OBSL1: variants seen among roughly 807,000 people sequenced by gnomAD.
The protein encoded by OBSL1 is obscurin-like protein 1.
In OBSL1, 160 loss-of-function variants were observed where a neutral mutation model predicts 172.0. The ratio of observed to expected loss-of-function variants is 0.93; its 90% CI spans 0.82 to 1.06. The LOEUF is 1.06. Among genes scored for constraint, OBSL1 ranks in the 50% least tolerant of loss-of-function variants. OBSL1 has a pLI of 0.00. For synonymous variants in OBSL1, 1,200 were observed against 1,196.3 expected (o/e 1.00, Z -0.06); for missense variants, 2,681 against 2,715.4 (o/e 0.99, Z 0.28).
downstream of OBSL1, chr2:219,549,600 T>C: frequency 6.7e-7 from 1 of 1,489,748 alleles, no homozygotes; most frequent in East Asian, 2.3e-5. Context: ...CTCAGGGCTG[T>C]GGACTCTGGG....
intron 15 of OBSL1, among the ~76,000 whole-genome samples, chr2:219,553,889 G>A (rs1383017638): frequency 5.9e-5 from 9 of 152,004 alleles, no homozygotes; most frequent in Admixed American, 2.6e-4. Flanking sequence ...GGGCCAATGG[G>A]TTAGGAGTGG....
At chr2:219,562,017 C>A in intron 8 of OBSL1, 1 of 717,484 alleles carries the variant, frequency 1.4e-6, no homozygotes, top group South Asian at 1.5e-5. Context: ...CTCTGCAGAC[C>A]AAACAAAGCA....
intron 1 of OBSL1, among the ~76,000 whole-genome samples, chr2:219,569,633 C>T (rs770108314): frequency 2.0e-5 from 3 of 152,212 alleles, no homozygotes; most frequent in Non-Finnish European, 4.4e-5. Context: ...TTTGTCCTCC[C>T]TCAAGTCTAG....
chr2:219,568,324 T>A lies in OBSL1; in HGVS notation c.1013A>T (p.Glu338Val), dbSNP rs1308873142. 1 of 1,600,468 alleles carries A rather than the reference T, an allele frequency of 6.2e-7. No homozygotes were observed. ...TLSAVQLHVK[E>V]PRLRFTRPLQ... ...GGGCCGTGTGAACCGGAGGCGGGGCTCTGTGGAGAGGGGAGAGAGAGACAA... is the reference window on the plus strand; with the variant it reads ...GGGCCGTGTGAACCGGAGGCGGGGCACTGTGGAGAGGGGAGAGAGAGACAA... The change falls in exon 2 of 21, where the codon GAG becomes GTG. Residue 338 changes from glutamate (E) to valine (V), a missense_variant and splice_region_variant. By Grantham distance (121) the Glu-to-Val change is moderately radical. Transcript: ENST00000404537. The surrounding 1 kb of genome is among the most constrained non-coding windows in gnomAD (Gnocchi z 4.1).
chr2:219,562,061 C>T (rs1008072881), intron 8 of OBSL1: 15 of 708,950 alleles, frequency 2.1e-5, no homozygotes, highest in Admixed American at 1.6e-4. Flanking sequence ...CAGGACTACC[C>T]GTTTGCGACC....
In OBSL1 at chr2:219,556,009, G is replaced by A. The variant is rs1225954462; in HGVS notation, c.4609+11C>T. ...GGTGGGTAATGCATTAAGAGAGGAC[G>A]GGGCACTCACGCCTCACGCTGAGCC... On this transcript the variant is annotated intron_variant, in intron 14 of 20. Coordinates refer to ENST00000404537, the MANE Select transcript of OBSL1 (RefSeq NM_015311.3). 7.4e-6 allele frequency: 12 copies of A among 1,612,782 alleles called. No individual in the cohort carries two copies. The highest frequency in any genetic ancestry group is 1.0e-5 in the Non-Finnish European group (12 of 1,179,618).
chr2:219,564,219 C>A (rs1303130884), intron 6 of OBSL1, among the ~76,000 whole-genome samples: 1 of 152,214 alleles, frequency 6.6e-6, no homozygotes, highest in Non-Finnish European at 1.5e-5. Context: ...ACCCTGGATA[C>A]TGGGGCTCTG....
At chr2:219,553,108 T>C in intron 16 of OBSL1, 84 bp from the exon 17 acceptor site, 1 of 1,400,442 alleles carries the variant, frequency 7.1e-7, no homozygotes, top group African/African-American at 1.5e-5. Context: ...CACCCTTTGT[T>C]GATGCCAAGC....
intron 12 of OBSL1, 89 bp from the exon 13 acceptor site, chr2:219,556,812 C>T: frequency 7.2e-7 from 1 of 1,396,174 alleles, no homozygotes; most frequent in South Asian, 1.4e-5. Context: ...CCCTCGTCCC[C>T]AGTCATTTAA....
chr2:219,550,742 T>C lies in OBSL1; in HGVS notation c.*93A>G, dbSNP rs963447803. On this transcript the variant is annotated 3_prime_UTR_variant, in exon 21 of 21. Transcript: ENST00000404537. ...AGGCAAGGAAATGAGCTGTAGCACT[T>C]TTATTGTTCCTTGTCTCTCTACCCC... is the stretch of plus-strand genomic sequence containing the variant. 5 of 1,506,632 alleles carry C rather than the reference T, an allele frequency of 3.3e-6. No homozygotes were observed. The highest frequency in any genetic ancestry group is 1.4e-5 in the African/African-American group (1 of 72,360). 93.3% of individuals were successfully genotyped at this position (1,506,632 alleles called of 1,614,324 possible).
intron 15 of OBSL1, 105 bp downstream of exon 15, chr2:219,554,369 C>T: frequency 7.5e-7 from 1 of 1,326,596 alleles, no homozygotes; most frequent in African/African-American, 1.4e-5. Context: ...CACACTGAGA[C>T]AGGCATGGTC....
At chr2:219,564,573 T>C (rs1440336326) in intron 6 of OBSL1, among the ~76,000 whole-genome samples, 1 of 152,184 alleles carries the variant, frequency 6.6e-6, no homozygotes, top group East Asian at 1.9e-4. Context: ...TCCCCTTAAT[T>C]GCATTTTGTT....
chr2:219,547,820 G>A (rs1450651417), downstream of OBSL1: 2 of 1,591,596 alleles, frequency 1.3e-6, no homozygotes, highest in African/African-American at 1.3e-5. Context: ...CCTGCTCTGT[G>A]CCCTGCTCAC....
At position 219,566,988 on chromosome 2, in the gene OBSL1, G is replaced by T. The variant is rs372539462; in HGVS notation, c.1976C>A (p.Pro659Gln). The T allele has an allele frequency of 1.5e-5, 25 of 1,613,620 alleles. 1 individual carries two copies. The Admixed American group carries it at 4.0e-4, about 26-fold the overall frequency. Residue 659 changes from proline (P) to glutamine (Q), a missense_variant, in exon 5 of 21, where the codon CCG (proline) becomes CAG (glutamine). Coordinates refer to ENST00000404537, the MANE Select transcript of OBSL1 (RefSeq NM_015311.3). Reference sequence around the variant, plus strand: ...GGCCCCAGGTTCCACCTGGCCCTCCGGCTCGTTACTCTTGAGCTCTTCCCC... The same window carrying T: ...GGCCCCAGGTTCCACCTGGCCCTCCTGCTCGTTACTCTTGAGCTCTTCCCC... ...LNGEELKSNE[P>Q]EGQVEPGALR...
At position 219,557,003 on chromosome 2, in the gene OBSL1, C is replaced by T. The variant is rs886478421; in HGVS notation, c.4067-280G>A. On this transcript the variant is annotated intron_variant, in intron 12 of 20. Coordinates refer to ENST00000404537, the MANE Select transcript of OBSL1 (RefSeq NM_015311.3). Reference sequence around the variant, plus strand: ...TATTTACAGCATTTACTTGTCACAACAGGCCTATAAGAAAAGCACTATCCC... The same window carrying T: ...TATTTACAGCATTTACTTGTCACAATAGGCCTATAAGAAAAGCACTATCCC... 9.9e-6 allele frequency: 5 copies of T among 504,902 alleles called. No homozygotes were observed. The Admixed American group carries it at 1.0e-4, about 11-fold the overall frequency. The allele number at this position is 504,902 out of a possible 1,614,324, so 31.3% of individuals were successfully genotyped here. A position where few individuals can be genotyped will look rare whatever the true frequency, so the allele number is the denominator to read the frequency against.
Position 219,568,414 on chromosome 2 carries a change from T to C in OBSL1, c.1013-90A>G, listed in dbSNP as rs1325065110. ...CCTAGAAGCGCATTAGCTCATGCTG[T>C]GTGCTCTTCATGCAGAGCCAGCGGG... On this transcript the variant is annotated intron_variant, in intron 1 of 20. Transcript: ENST00000404537. This position sits in a 1 kb window ranked among gnomAD's most constrained non-coding sequence, Gnocchi z 4.1. The C allele has an allele frequency of 1.6e-6, 2 of 1,276,516 alleles. No homozygotes were observed. The highest frequency in any genetic ancestry group is 1.5e-5 in the African/African-American group (1 of 67,212). The allele number at this position is 1,276,516 out of a possible 1,614,324, so 79.1% of individuals were successfully genotyped here. A position where few individuals can be genotyped will look rare whatever the true frequency, so the allele number is the denominator to read the frequency against.
rs1226083631 is a variant in OBSL1, at chr2:219,552,150, G to A, written c.5375C>T (p.Ala1792Val). The A allele has an allele frequency of 6.2e-7, 1 of 1,611,866 alleles. No homozygotes were observed. The highest frequency in any genetic ancestry group is 8.5e-7 in the Non-Finnish European group (1 of 1,179,376). The change falls in exon 19 of 21, where the codon GCG (alanine) becomes GTG (valine). Residue 1792 changes from alanine to valine, a missense_variant. Physicochemically the swap from Ala to Val is moderately conservative, Grantham distance 64 (BLOSUM62 0). Around this residue, in one of 5 missense-constraint regions of OBSL1, gnomAD observed 1,765 missense variants for 1,748.3 expected, o/e 1.01. Coordinates refer to ENST00000404537, the MANE Select transcript of OBSL1 (RefSeq NM_015311.3). ...AEDAGEVRFQ[A>V]GPAQSLALLE... ...TAGAGCCAGGGACTGGGCGGGCCCC[G>A]CCTGGAAGCGGACTTCACCGGCGTC...
At position 219,567,849 on chromosome 2, in the gene OBSL1, A is replaced by T; in HGVS notation, c.1403T>A (p.Leu468Gln). The T allele has an allele frequency of 6.2e-7, 1 of 1,613,892 alleles. No individual in the cohort carries two copies. The highest frequency in any genetic ancestry group is 8.5e-7 in the Non-Finnish European group (1 of 1,179,888). Residue 468 changes from leucine (L) to glutamine (Q), a missense_variant, in exon 3 of 21, where the codon CTG (leucine) becomes CAG (glutamine). Physicochemically the swap from Leu to Gln is moderately radical, Grantham distance 113. Coordinates refer to ENST00000404537, the MANE Select transcript of OBSL1 (RefSeq NM_015311.3). ...TGAGCTGCTCTGGCAGATGACCGGC[A>T]GCTCCTCCCCATCACGGCTCCAGCG... is the stretch of plus-strand genomic sequence containing the variant. ...EGRWSRDGEE[L>Q]PVICQSSSGH... is the part of the protein sequence containing the mutation.
rs749399846 is a variant in OBSL1, at chr2:219,565,427, G to A, written c.2222C>T (p.Ser741Leu). Residue 741 changes from serine to leucine, a missense_variant, in exon 6 of 21, where the codon TCA becomes TTA. By Grantham distance (145) the Ser-to-Leu change is moderately radical. Coordinates refer to ENST00000404537, the MANE Select transcript of OBSL1 (RefSeq NM_015311.3). ...CCAGGTTGCCGGGAAGTCCACCCTT[G>A]AGAGCTCACAAGTCAGCACCACCCG... ...SERVVLTCEL[S>L]RVDFPATWYK... The A allele has an allele frequency of 6.2e-7, 1 of 1,613,832 alleles. No individual in the cohort carries two copies. The highest frequency in any genetic ancestry group is 1.1e-5 in the South Asian group (1 of 91,088).
Sources: gnomAD v4.1 joint callset for allele counts (sites outside exome capture counted in the v4.1 genomes callset) on GRCh38, gnomAD v4.1.1 for gene constraint, gnomAD v4.1.1 regional missense constraint, Gnocchi (gnomAD v3.1) non-coding constraint, MANE v1.5 for transcripts, NCBI Gene and HGNC (gene_info 2026-07-23, HGNC 2026-07-21) for gene names.